The following OPCML variants were observed in gnomAD, a reference collection of about 807,000 sequenced individuals.
OPCML encodes opioid-binding protein/cell adhesion molecule.
OPCML carries 13 observed loss-of-function variants against 37.8 expected under a neutral mutation model. The observed-to-expected ratio is 0.34, with a 90% CI of 0.22 to 0.55. OPCML has a LOEUF of 0.55. OPCML is among the 20% of genes least tolerant of loss of function. The pLI is 0.91. For synonymous variants in OPCML, 176 were observed against 168.8 expected, an observed-to-expected ratio of 1.04 and a Z score of -0.33; for missense variants, 341 against 435.6, an observed-to-expected ratio of 0.78 and a Z score of 1.93.
intron 1 of OPCML, among the ~76,000 whole-genome samples, chr11:133,431,826 T>C (rs993831278): frequency 1.1e-4 from 17 of 148,484 alleles, no homozygotes; most frequent in African/African-American, 1.7e-4. Context: ...ATAATAAATA[T>C]ACATATATTT....
At chr11:132,503,660 G>A (rs73586934) in intron 4 of OPCML, among the ~76,000 whole-genome samples, 5,282 of 152,046 alleles carry the variant, frequency 0.035, 300 homozygotes, top group African/African-American at 0.11. Context: ...ATAGAAACTA[G>A]CATTATAACT....
intron 1 of OPCML, among the ~76,000 whole-genome samples, chr11:133,001,769 CA>C (rs1947009106): frequency 1.3e-5 from 2 of 152,236 alleles, no homozygotes; most frequent in South Asian, 2.1e-4. Flanking sequence ...TCAGATCACT[CA>C]AGTATTGACC....
At chr11:133,337,891 C>T (rs558708734) in intron 1 of OPCML, among the ~76,000 whole-genome samples, 1 of 152,098 alleles carries the variant, frequency 6.6e-6, no homozygotes, top group Admixed American at 6.5e-5. Context: ...TGGGGGCTCA[C>T]ACACTGATCC....
intron 1 of OPCML, among the ~76,000 whole-genome samples, chr11:133,171,007 T>C (rs978291664): frequency 6.6e-6 from 1 of 152,224 alleles, no homozygotes; most frequent in Admixed American, 6.5e-5. Flanking sequence ...CCAGATAGAC[T>C]GTAGGAATGA....
chr11:133,376,361 C>T (rs1043886658), intron 1 of OPCML, among the ~76,000 whole-genome samples: 1 of 152,012 alleles, frequency 6.6e-6, no homozygotes, highest in African/African-American at 2.4e-5. Flanking sequence ...CCCAATGACA[C>T]AGGATTAGTT....
At chr11:133,088,136 T>C (rs1416233707) in intron 1 of OPCML, among the ~76,000 whole-genome samples, 2 of 152,188 alleles carry the variant, frequency 1.3e-5, no homozygotes, top group African/African-American at 4.8e-5. Context: ...CTTTGCATTA[T>C]TAACAAAAGA....
chr11:133,142,632 A>T (rs981285756), intron 1 of OPCML, among the ~76,000 whole-genome samples: 1 of 152,204 alleles, frequency 6.6e-6, no homozygotes, highest in Non-Finnish European at 1.5e-5. Flanking sequence ...CATAGCACAC[A>T]GTAGGTTCTC....
intron 1 of OPCML, among the ~76,000 whole-genome samples, chr11:133,449,029 G>A (rs938902633): frequency 6.6e-6 from 1 of 152,146 alleles, no homozygotes; most frequent in East Asian, 1.9e-4. Context: ...TAATTAACAA[G>A]TATTAGTTTA....
chr11:133,449,497 G>A (rs574525203), intron 1 of OPCML, among the ~76,000 whole-genome samples: 10 of 152,300 alleles, frequency 6.6e-5, no homozygotes, highest in African/African-American at 2.4e-4. Flanking sequence ...CAGATTAGGA[G>A]GCTTAATAGG....
At chr11:132,611,880 G>C (rs1245730277) in intron 3 of OPCML, among the ~76,000 whole-genome samples, 1 of 152,144 alleles carries the variant, frequency 6.6e-6, no homozygotes, top group Admixed American at 6.5e-5. Flanking sequence ...AAATGGGACA[G>C]TCCCAGGCAA....
chr11:133,004,156 G>T, intron 1 of OPCML: 10 of 985,408 alleles, frequency 1.0e-5, no homozygotes, highest in Non-Finnish European at 1.2e-5. Context: ...AGCCCAGAGA[G>T]TGGGTCTCAC....
intron 1 of OPCML, among the ~76,000 whole-genome samples, chr11:132,976,895 G>C (rs954037235): frequency 1.3e-5 from 2 of 152,198 alleles, no homozygotes; most frequent in Admixed American, 1.3e-4. Flanking sequence ...AGAGATTAGA[G>C]AAGGGGCAGA....
intron 1 of OPCML, among the ~76,000 whole-genome samples, chr11:133,209,985 C>T (rs970660543): frequency 6.6e-6 from 1 of 152,136 alleles, no homozygotes; most frequent in Non-Finnish European, 1.5e-5. Flanking sequence ...GGCAGCTCAC[C>T]CAGGAGCAGG....
Position 132,559,636 on chromosome 11 carries a change from C to G in OPCML, c.380-30450G>C, listed in dbSNP as rs566857170. 4.0e-4 allele frequency among the ~76,000 whole-genome samples: 61 copies of G among 152,280 alleles called. 1 individual carries two copies. The highest frequency in any genetic ancestry group is 1.4e-3 in the African/African-American group (59 of 41,548). Reference sequence around the variant, plus strand: ...AATAAAAATGGAATGAAAGGGAACTCTACTCCTTCAGAGATTACATTAACA... The same window carrying G: ...AATAAAAATGGAATGAAAGGGAACTGTACTCCTTCAGAGATTACATTAACA... On this transcript the variant is annotated intron_variant, in intron 3 of 7. Transcript: ENST00000524381.
chr11:133,023,367 C>T (rs1195294107), intron 1 of OPCML, among the ~76,000 whole-genome samples: 1 of 152,202 alleles, frequency 6.6e-6, no homozygotes, highest in African/African-American at 2.4e-5. Flanking sequence ...CATACAGCAT[C>T]ATTACGTCCG....
chr11:133,169,788 A>T (rs768472624), intron 1 of OPCML, among the ~76,000 whole-genome samples: 3 of 152,172 alleles, frequency 2.0e-5, no homozygotes, highest in African/African-American at 4.8e-5. Flanking sequence ...ATGGATTGAG[A>T]TGCATCTTCT....
chr11:132,868,062 C>A (rs752404914), intron 2 of OPCML, among the ~76,000 whole-genome samples: 1 of 152,102 alleles, frequency 6.6e-6, no homozygotes, highest in East Asian at 1.9e-4. Flanking sequence ...ACTCTGAGAG[C>A]GTAAAGTGCT....
intron 2 of OPCML, among the ~76,000 whole-genome samples, chr11:132,847,402 G>T (rs2136319159): frequency 6.6e-6 from 1 of 152,214 alleles, no homozygotes; most frequent in African/African-American, 2.4e-5. Context: ...TTTGTACGTA[G>T]TTATTCAAAT....
intron 1 of OPCML, among the ~76,000 whole-genome samples, chr11:133,014,188 G>T (rs934533246): frequency 2.6e-5 from 4 of 152,056 alleles, no homozygotes; most frequent in African/African-American, 9.7e-5. Context: ...TTATCTTGTT[G>T]CTTCTCTAAA....
Sources: allele counts gnomAD v4.1 joint callset (sites outside exome capture counted in the v4.1 genomes callset), GRCh38; gene constraint gnomAD v4.1.1; transcripts MANE v1.5; gene names NCBI Gene and HGNC (gene_info 2026-07-23, HGNC 2026-07-21).